Variants in KLHL29 observed in about 807,000 individuals in gnomAD.
KLHL29 encodes kelch like family member 29.
A neutral mutation model predicts 80.4 loss-of-function variants in KLHL29; 21 were observed. That is an observed-to-expected ratio of 0.26 (90% confidence interval 0.19 to 0.38). KLHL29 has a LOEUF of 0.38. Among genes scored for constraint, KLHL29 ranks in the 10% least tolerant of loss-of-function variants. The pLI is 1.00. For synonymous variants in KLHL29, 511 were observed against 526.8 expected, an observed-to-expected ratio of 0.97 and a Z score of 0.41; for missense variants, 867 against 1,223.9, an observed-to-expected ratio of 0.71 and a Z score of 4.35.
At chr2:23,479,507 T>C (rs1473793311) in intron 2 of KLHL29, among the ~76,000 whole-genome samples, 1 of 152,044 alleles carries the variant, frequency 6.6e-6, no homozygotes, top group Non-Finnish European at 1.5e-5. Context: ...AGGGAAGCTG[T>C]TGGTGCCGCA....
chr2:23,586,362 C>CCT (rs1553341259), intron 3 of KLHL29, among the ~76,000 whole-genome samples: 1 of 96,992 alleles, frequency 1.0e-5, no homozygotes, highest in Non-Finnish European at 1.9e-5. Context: ...AAAAGCATTA[C>CCT]TTTTTTTTTT....
intron 7 of KLHL29, among the ~76,000 whole-genome samples, chr2:23,692,391 C>T (rs1009115526): frequency 3.9e-5 from 6 of 152,372 alleles, no homozygotes; most frequent in South Asian, 2.1e-4. Flanking sequence ...GTCGCTGACC[C>T]GAACAACATG....
intron 2 of KLHL29, among the ~76,000 whole-genome samples, chr2:23,516,918 G>A (rs1301454763): frequency 4.6e-5 from 7 of 152,216 alleles, no homozygotes; most frequent in Non-Finnish European, 1.0e-4. Context: ...GTGGTGTCCC[G>A]CCAGCCCATG....
At chr2:23,456,190 T>C (rs1664044560) in intron 1 of KLHL29, among the ~76,000 whole-genome samples, 1 of 152,182 alleles carries the variant, frequency 6.6e-6, no homozygotes, top group South Asian at 2.1e-4. Context: ...TTGCAAAGGA[T>C]TTTTCTTCCA....
intron 2 of KLHL29, among the ~76,000 whole-genome samples, chr2:23,527,537 G>A (rs1251293264): frequency 6.6e-6 from 1 of 152,016 alleles, no homozygotes; most frequent in African/African-American, 2.4e-5. Context: ...GCAGAACTTA[G>A]AGGCTGTGAG....
At chr2:23,409,767 G>A (rs571179006) in intron 1 of KLHL29, among the ~76,000 whole-genome samples, 2 of 152,312 alleles carry the variant, frequency 1.3e-5, no homozygotes, top group South Asian at 4.1e-4. Context: ...CAGTCTAGTG[G>A]GGGAGACAGA....
At chr2:23,505,907 G>A (rs570490580) in intron 2 of KLHL29, among the ~76,000 whole-genome samples, 16 of 152,336 alleles carry the variant, frequency 1.1e-4, no homozygotes, top group African/African-American at 2.4e-4. Context: ...ACCAAAGGGC[G>A]TTGGGGGTCT....
chr2:23,538,589 G>A (rs1288708990), intron 2 of KLHL29, among the ~76,000 whole-genome samples: 1 of 151,922 alleles, frequency 6.6e-6, no homozygotes, highest in Admixed American at 6.6e-5. Flanking sequence ...CTGTGGCTTT[G>A]TGGGGGTGAA....
At chr2:23,500,830 C>T (rs1173403990) in intron 2 of KLHL29, among the ~76,000 whole-genome samples, 4 of 152,164 alleles carry the variant, frequency 2.6e-5, no homozygotes, top group South Asian at 2.1e-4. Flanking sequence ...AAATCCTGCA[C>T]GTGGAGTGAG....
At chr2:23,559,104 G>C (rs1435087107) in intron 2 of KLHL29, among the ~76,000 whole-genome samples, 2 of 152,222 alleles carry the variant, frequency 1.3e-5, no homozygotes, top group Non-Finnish European at 2.9e-5. Flanking sequence ...GTGGGTCATA[G>C]GCTGTAGCCG....
chr2:23,525,401 C>T (rs1329601162), intron 2 of KLHL29, among the ~76,000 whole-genome samples: 1 of 152,260 alleles, frequency 6.6e-6, no homozygotes, highest in Non-Finnish European at 1.5e-5. Flanking sequence ...CATTTCTGTT[C>T]AATGCCGTCA....
intron 5 of KLHL29, among the ~76,000 whole-genome samples, chr2:23,644,626 C>T: frequency 6.6e-6 from 1 of 152,250 alleles, no homozygotes; most frequent in East Asian, 1.9e-4. Flanking sequence ...ATCAGAAAGA[C>T]ACAGGTGGCG....
At chr2:23,395,372 C>G (rs1666424939) in intron 1 of KLHL29, among the ~76,000 whole-genome samples, 1 of 152,196 alleles carries the variant, frequency 6.6e-6, no homozygotes, top group African/African-American at 2.4e-5. Flanking sequence ...TGGTGCTACT[C>G]CAGTTAAGGT....
At chr2:23,701,783 CTTTTTTTTGCTT>C (rs1672386182) in intron 11 of KLHL29, among the ~76,000 whole-genome samples, 1 of 118,492 alleles carries the variant, frequency 8.4e-6, no homozygotes, top group South Asian at 2.9e-4. Context: ...GCACACATGG[CTTTTTTTTGCTT>C]TTTTTTTTTT....
intron 1 of KLHL29, among the ~76,000 whole-genome samples, chr2:23,421,108 C>T (rs181121259): frequency 1.4e-4 from 22 of 152,350 alleles, no homozygotes; most frequent in South Asian, 6.2e-4. Context: ...CAGGGTGACT[C>T]GCTCAGTAGT....
At chr2:23,495,989 G>A (rs1665256247) in intron 2 of KLHL29, among the ~76,000 whole-genome samples, 4 of 152,234 alleles carry the variant, frequency 2.6e-5, no homozygotes, top group South Asian at 2.1e-4. Context: ...GGCCAGCGCC[G>A]CTCTGCTCCT....
In KLHL29 at chr2:23,684,695, C is replaced by A. The variant is rs1195462205; in HGVS notation, c.1079+158C>A. ...TCCTCCTCCTCCTCCTCCCCAGTAC[C>A]CTCTCACACACAGCCTCAGAGCAGC... is the stretch of plus-strand genomic sequence containing the variant. On this transcript the variant is annotated intron_variant, in intron 6 of 13. Coordinates refer to ENST00000486442, the MANE Select transcript of KLHL29 (RefSeq NM_052920.2). The surrounding 1 kb of genome is among the most constrained non-coding windows in gnomAD (Gnocchi z 4.4). Among the ~76,000 whole-genome samples the A allele has an allele frequency of 6.6e-6, 1 of 152,118 alleles. No homozygotes were observed. Among genetic ancestry groups the A allele is most frequent in the Non-Finnish European group, 1.5e-5 (1 of 68,018 alleles).
intron 5 of KLHL29, among the ~76,000 whole-genome samples, chr2:23,661,950 G>C (rs749906693): frequency 6.6e-6 from 1 of 152,258 alleles, no homozygotes; most frequent in Non-Finnish European, 1.5e-5. Flanking sequence ...GCCAGTTGCT[G>C]TATCCAGCGC....
intron 3 of KLHL29, among the ~76,000 whole-genome samples, chr2:23,594,368 A>G (rs1224461815): frequency 1.3e-5 from 2 of 151,952 alleles, no homozygotes; most frequent in Non-Finnish European, 2.9e-5. Flanking sequence ...CGGGCTCTGG[A>G]ATGGCTCCCA....
Sources: allele counts gnomAD v4.1 joint callset (sites outside exome capture counted in the v4.1 genomes callset), GRCh38; gene constraint gnomAD v4.1.1; non-coding constraint Gnocchi (gnomAD v3.1); transcripts MANE v1.5; gene names NCBI Gene and HGNC (gene_info 2026-07-23, HGNC 2026-07-21).